SPDEF: variants seen among roughly 807,000 people sequenced by gnomAD.
SPDEF encodes SAM pointed domain-containing Ets transcription factor.
In SPDEF, 12 loss-of-function variants were observed where a neutral mutation model predicts 36.0. The observed-to-expected ratio is 0.33, with a 90% CI of 0.21 to 0.54. SPDEF has a LOEUF of 0.54. SPDEF is among the 20% of genes least tolerant of loss of function. SPDEF has a pLI of 0.93. For missense variants in SPDEF, 388 were observed against 456.9 expected, an observed-to-expected ratio of 0.85 and a Z score of 1.37; for synonymous variants, 205 against 193.0, an observed-to-expected ratio of 1.06 and a Z score of -0.51.
At chr6:34,547,774 A>G (rs1305995450) in intron 1 of SPDEF, among the ~76,000 whole-genome samples, 1 of 152,146 alleles carries the variant, frequency 6.6e-6, no homozygotes, top group Non-Finnish European at 1.5e-5. Context: ...TTCACCCTCT[A>G]TACCCCACAT....
intron 2 of SPDEF, among the ~76,000 whole-genome samples, chr6:34,541,884 G>A (rs1767830647): frequency 6.6e-6 from 1 of 152,234 alleles, no homozygotes; most frequent in Non-Finnish European, 1.5e-5. Flanking sequence ...CTATAGGTGG[G>A]GGATAGGCTG....
At chr6:34,553,803 G>A (rs967952622) in intron 1 of SPDEF, among the ~76,000 whole-genome samples, 1 of 152,010 alleles carries the variant, frequency 6.6e-6, no homozygotes, top group African/African-American at 2.4e-5. Context: ...AGGGAGGCTG[G>A]GGCCCTGTCC....
At position 34,538,590 on chromosome 6, in the gene SPDEF, G is replaced by T. The variant is rs1767745007; in HGVS notation, c.830-138C>A. 3.6e-6 allele frequency: 3 copies of T among 832,328 alleles called. No individual in the cohort carries two copies. Among genetic ancestry groups the T allele is most frequent in the Non-Finnish European group, 3.7e-6 (2 of 540,944 alleles). 51.6% of individuals were successfully genotyped at this position (832,328 alleles called of 1,614,324 possible). A position where few individuals can be genotyped will look rare whatever the true frequency, so the allele number is the denominator to read the frequency against. Reference sequence around the variant, plus strand: ...CCTCCCCCTGCTCGGGTGGGGCGGGGTGTGGGGGCCCAAATGCCTACTCCC... The same window carrying T: ...CCTCCCCCTGCTCGGGTGGGGCGGGTTGTGGGGGCCCAAATGCCTACTCCC... On this transcript the variant is annotated intron_variant, in intron 5 of 5. Transcript: ENST00000374037. The surrounding 1 kb of genome is among the most constrained non-coding windows in gnomAD (Gnocchi z 5.9).
intron 1 of SPDEF, among the ~76,000 whole-genome samples, chr6:34,548,719 A>G (rs1768001287): frequency 6.6e-6 from 1 of 152,136 alleles, no homozygotes; most frequent in Admixed American, 6.5e-5. Flanking sequence ...TGGGCACAAC[A>G]TGGCTATTTT....
At position 34,539,645 on chromosome 6, in the gene SPDEF, GC is replaced by G. The variant is rs1581995522; in HGVS notation, c.635-84del. ...GGAGGCGTTTGGGTGGGACTGTGGG[GC>G]CACAGGAGCCCCTCTGTGGCTGGGG... On this transcript the variant is annotated intron_variant, in intron 3 of 5. Transcript: ENST00000374037. The surrounding 1 kb of genome is among the most constrained non-coding windows in gnomAD (Gnocchi z 5.2). 2.7e-6 allele frequency: 4 copies of G among 1,455,392 alleles called. No homozygotes were observed. The highest frequency in any genetic ancestry group is 3.8e-6 in the Non-Finnish European group (4 of 1,062,706). 90.2% of individuals were successfully genotyped at this position (1,455,392 alleles called of 1,614,324 possible).
rs138351425 is a variant in SPDEF at position 34,555,305 on chromosome 6, A to G, written c.-30+624T>C. On this transcript the variant is annotated intron_variant, in intron 1 of 5. Transcript: ENST00000374037. This position sits in a 1 kb window ranked among gnomAD's most constrained non-coding sequence, Gnocchi z 5.2. ...GTTGCTTTCCTTGTGTGCCAAGACC[A>G]GGACCCAAGGCTCTCAGCTTCCCCC... Among the ~76,000 whole-genome samples, 362 of 152,132 alleles carry G rather than the reference A, an allele frequency of 2.4e-3. No homozygotes were observed. Among genetic ancestry groups the G allele is most frequent in the African/African-American group, 8.2e-3 (341 of 41,502 alleles).
In SPDEF at chr6:34,538,435, C is replaced by T. The variant is rs755364795; in HGVS notation, c.847G>A (p.Asp283Asn). ...CACAGCCGGGCCACCTGGGCTGAGT[C>T]CTCAATTTTGAAGATGCCTAGAGCA... Reference protein sequence around the residue: ...NKEKGIFKIEDSAQVARLWGI... With the variant: ...NKEKGIFKIENSAQVARLWGI... Residue 283 changes from aspartate (D) to asparagine (N), a missense_variant, in exon 6 of 6, where the codon GAC (aspartate) becomes AAC (asparagine). Asp to Asn is a conservative substitution (Grantham distance 23). Around this residue, in one of 2 missense-constraint regions of SPDEF, gnomAD observed 80 missense variants for 130.8 expected, o/e 0.61. Transcript: ENST00000374037. This position sits in a 1 kb window ranked among gnomAD's most constrained non-coding sequence, Gnocchi z 5.9. The T allele has an allele frequency of 6.8e-6, 11 of 1,613,224 alleles. No homozygotes were observed. In the South Asian group the frequency reaches 1.1e-4, roughly 16 times the overall value.
chr6:34,553,514 C>T (rs997891990), intron 1 of SPDEF, among the ~76,000 whole-genome samples: 1 of 151,990 alleles, frequency 6.6e-6, no homozygotes, highest in Non-Finnish European at 1.5e-5. Context: ...GACTCAGCCC[C>T]CTCTGAGGCT....
intron 1 of SPDEF, among the ~76,000 whole-genome samples, chr6:34,554,494 C>A (rs972237753): frequency 2.0e-5 from 3 of 152,278 alleles, no homozygotes; most frequent in Non-Finnish European, 4.4e-5. Context: ...TGGATACCCC[C>A]ACGGGGCCTC....
In SPDEF at chr6:34,544,489, G is replaced by A. The variant is rs375181563; in HGVS notation, c.-29-5C>T. On this transcript the variant is annotated splice_region_variant and splice_polypyrimidine_tract_variant and intron_variant, in intron 1 of 5. Coordinates refer to ENST00000374037, the MANE Select transcript of SPDEF (RefSeq NM_012391.3). This position sits in a 1 kb window ranked among gnomAD's most constrained non-coding sequence, Gnocchi z 4.4. The stretch of plus-strand genomic sequence containing the variant: ...TGTTTGGGCTGGCGGCTGTGTCTAC[G>A]GAAATGAAAGAGGACTCAGGTTTGA... 1.6e-4 allele frequency: 247 copies of A among 1,499,786 alleles called. No homozygotes were observed. In the African/African-American group the frequency reaches 3.0e-3, roughly 18 times the overall value. 92.9% of individuals were successfully genotyped at this position (1,499,786 alleles called of 1,614,324 possible). A position where few individuals can be genotyped will look rare whatever the true frequency, so the allele number is the denominator to read the frequency against.
At chr6:34,554,272 G>C (rs1357165409) in intron 1 of SPDEF, among the ~76,000 whole-genome samples, 2 of 152,116 alleles carry the variant, frequency 1.3e-5, no homozygotes, top group Non-Finnish European at 2.9e-5. Context: ...TACTCACAAC[G>C]ACCTCAGTGG....
At chr6:34,542,264 A>G (rs1171946405) in intron 2 of SPDEF, among the ~76,000 whole-genome samples, 1 of 152,184 alleles carries the variant, frequency 6.6e-6, no homozygotes, top group Non-Finnish European at 1.5e-5. Context: ...CAGTGCTGCA[A>G]TGCCAGGGCC....
rs1767779413 is a variant in SPDEF, at chr6:34,539,763, GCT to G, written c.635-203_635-202del. 6.6e-6 allele frequency among the ~76,000 whole-genome samples: 1 copy of G among 152,248 alleles called. No homozygotes were observed. Among genetic ancestry groups the G allele is most frequent in the Admixed American group, 6.5e-5 (1 of 15,294 alleles). On this transcript the variant is annotated intron_variant, in intron 3 of 5. Coordinates refer to ENST00000374037, the MANE Select transcript of SPDEF (RefSeq NM_012391.3). This position sits in a 1 kb window ranked among gnomAD's most constrained non-coding sequence, Gnocchi z 5.2. ...CTGGAAGAAAATTCAGGATTTCAGAGCTGGGAGGGGCCGTAAAGGGCTTGCAT... is the reference window on the plus strand; with the variant it reads ...CTGGAAGAAAATTCAGGATTTCAGAGGGGAGGGGCCGTAAAGGGCTTGCAT...
At chr6:34,546,999 C>G (rs931014455) in intron 1 of SPDEF, among the ~76,000 whole-genome samples, 1 of 149,226 alleles carries the variant, frequency 6.7e-6, no homozygotes, top group African/African-American at 2.5e-5. Flanking sequence ...GGGACCCCCC[C>G]CCGCAGCCCC....
chr6:34,538,187 C>T lies in SPDEF; in HGVS notation c.*87G>A, dbSNP rs980381148. On this transcript the variant is annotated 3_prime_UTR_variant, in exon 6 of 6. Coordinates refer to ENST00000374037, the MANE Select transcript of SPDEF (RefSeq NM_012391.3). The surrounding 1 kb of genome is among the most constrained non-coding windows in gnomAD (Gnocchi z 5.9). ...GGTCAGAGCAGCAGAGCAGACTGCC[C>T]GTTTTCCCCCATCTCAGGGCCTGGC... is the stretch of plus-strand genomic sequence containing the variant. 3.9e-5 allele frequency: 56 copies of T among 1,429,798 alleles called. No homozygotes were observed. The Admixed American group carries it at 8.7e-4, about 22-fold the overall frequency. The allele number at this position is 1,429,798 out of a possible 1,614,324, so 88.6% of individuals were successfully genotyped here.
intron 1 of SPDEF, among the ~76,000 whole-genome samples, chr6:34,547,203 G>A (rs1231173639): frequency 6.6e-6 from 1 of 152,190 alleles, no homozygotes; most frequent in Non-Finnish European, 1.5e-5. Context: ...AGGTAGGACA[G>A]GAGGCAGCTG....
At chr6:34,540,641 A>G (rs1347247239) in intron 3 of SPDEF, among the ~76,000 whole-genome samples, 1 of 152,120 alleles carries the variant, frequency 6.6e-6, no homozygotes, top group Non-Finnish European at 1.5e-5. Context: ...AAAAACAAAG[A>G]AAACAAAGAA....
At chr6:34,545,058 C>A (rs748439728) in intron 1 of SPDEF, among the ~76,000 whole-genome samples, 2 of 152,166 alleles carry the variant, frequency 1.3e-5, no homozygotes, top group Non-Finnish European at 2.9e-5. Context: ...GTAGGCCAGC[C>A]CTTGCCCTCC....
Position 34,550,814 on chromosome 6 carries a change from C to T in SPDEF, c.-30+5115G>A, listed in dbSNP as rs189175774. 2.1e-3 allele frequency among the ~76,000 whole-genome samples: 317 copies of T among 152,256 alleles called. 1 individual carries two copies. Among genetic ancestry groups the T allele is most frequent in the African/African-American group, 7.1e-3 (295 of 41,548 alleles). The stretch of plus-strand genomic sequence containing the variant: ...TAGCAGGAAGACGGGGCACTGGAAG[C>T]CAAAGTGGAGCGCCAGGGGAACCCA... On this transcript the variant is annotated intron_variant, in intron 1 of 5. Transcript: ENST00000374037.
Sources: gnomAD v4.1 joint callset for allele counts (sites outside exome capture counted in the v4.1 genomes callset) on GRCh38, gnomAD v4.1.1 for gene constraint, gnomAD v4.1.1 regional missense constraint, Gnocchi (gnomAD v3.1) non-coding constraint, MANE v1.5 for transcripts, NCBI Gene and HGNC (gene_info 2026-07-23, HGNC 2026-07-21) for gene names.